Variants in CEP350 observed in about 807,000 individuals in gnomAD.
CEP350 encodes centrosome-associated protein 350.
In CEP350, 126 loss-of-function variants were observed where a neutral mutation model predicts 331.8. The observed-to-expected ratio is 0.38, with a 90% CI of 0.33 to 0.44. CEP350 has a LOEUF of 0.44. Ranked by LOEUF, CEP350 falls within the 20% of genes least tolerant of loss-of-function variation. CEP350 has a pLI of 1.00. For missense variants in CEP350, 3,406 were observed against 3,634.6 expected, an observed-to-expected ratio of 0.94 and a Z score of 1.62; for synonymous variants, 1,200 against 1,259.5, an observed-to-expected ratio of 0.95 and a Z score of 1.00.
chr1:179,973,142 C>T (rs1407206339), intron 1 of CEP350, among the ~76,000 whole-genome samples: 2 of 152,192 alleles, frequency 1.3e-5, no homozygotes, highest in African/African-American at 2.4e-5. Flanking sequence ...GCTGGGATTA[C>T]AGGCGTGAGC....
At chr1:180,060,095 A>T (rs1312626320) in intron 25 of CEP350, among the ~76,000 whole-genome samples, 1 of 152,208 alleles carries the variant, frequency 6.6e-6, no homozygotes, top group African/African-American at 2.4e-5. Context: ...AAATGTACAC[A>T]ATCATTGTAT....
At chr1:180,048,881 A>G (rs1657297965) in intron 22 of CEP350, among the ~76,000 whole-genome samples, 176 bp downstream of exon 22, 1 of 152,138 alleles carries the variant, frequency 6.6e-6, no homozygotes, top group Non-Finnish European at 1.5e-5. Context: ...CCAGCCAGGG[A>G]AACATAGGGA....
At chr1:180,023,888 T>A (rs1029882298) in intron 13 of CEP350, among the ~76,000 whole-genome samples, 1 of 152,160 alleles carries the variant, frequency 6.6e-6, no homozygotes, top group Admixed American at 6.5e-5. Context: ...ACAAATTAGT[T>A]AAATCTAAAT....
In CEP350 at chr1:180,033,384, G is replaced by A. The variant is rs189869114; in HGVS notation, c.3726-478G>A. 1.3e-3 allele frequency among the ~76,000 whole-genome samples: 202 copies of A among 152,178 alleles called. 1 individual carries two copies. The highest frequency in any genetic ancestry group is 4.6e-3 in the African/African-American group (193 of 41,544). Reference sequence around the variant, plus strand: ...TGAATAGTGTGAAATTTTTTTCTGTGATTCTTGGATCAACAAGAGGGTATA... The same window carrying A: ...TGAATAGTGTGAAATTTTTTTCTGTAATTCTTGGATCAACAAGAGGGTATA... On this transcript the variant is annotated intron_variant, in intron 15 of 37. Coordinates refer to ENST00000367607, the MANE Select transcript of CEP350 (RefSeq NM_014810.5).
chr1:180,091,486 T>C (rs561460181), intron 33 of CEP350, among the ~76,000 whole-genome samples: 6 of 152,298 alleles, frequency 3.9e-5, no homozygotes, highest in Admixed American at 6.5e-5. Context: ...ATTTCTTAGC[T>C]AAATAGCTGT....
At chr1:179,958,835 C>G (rs1490817292) in intron 1 of CEP350, among the ~76,000 whole-genome samples, 1 of 152,060 alleles carries the variant, frequency 6.6e-6, no homozygotes, top group Admixed American at 6.5e-5. Context: ...TTGCACTATA[C>G]TATAGAATAT....
rs759197571 is a variant in CEP350 at position 180,041,266 on chromosome 1, A to T, written c.4221+18A>T. On this transcript the variant is annotated intron_variant, in intron 18 of 37. Transcript: ENST00000367607. ...CAGCTCAGGTAACTTATTTTGCAGC[A>T]GGTTCTTGTTTTTTAAACCTAAATT... 2.0e-6 allele frequency: 3 copies of T among 1,531,414 alleles called. No homozygotes were observed. In the East Asian group the frequency reaches 7.1e-5, roughly 36 times the overall value. The allele number at this position is 1,531,414 out of a possible 1,614,324, so 94.9% of individuals were successfully genotyped here.
Position 180,062,249 on chromosome 1 carries a change from T to C in CEP350, c.5292T>C (p.Asn1764=). 1 of 1,610,038 alleles carries C rather than the reference T, an allele frequency of 6.2e-7. No individual in the cohort carries two copies. The highest frequency in any genetic ancestry group is 2.2e-5 in the East Asian group (1 of 44,780). The change falls in exon 26 of 38, where the codon AAT becomes AAC. Residue 1764 remains asparagine, a synonymous_variant. Coordinates refer to ENST00000367607, the MANE Select transcript of CEP350 (RefSeq NM_014810.5). ...AAATAAAACGTCTTCAAGAAGCCAA[T>C]AAGGCAGCTCGGAAGGAAAGACAGC... ...KAEIKRLQEA[N]KAARKERQLI... is the part of the protein sequence containing the mutation.
At chr1:180,078,736 G>C (rs1261689150) in intron 29 of CEP350, 62 bp downstream of exon 29, 1 of 1,371,340 alleles carries the variant, frequency 7.3e-7, no homozygotes, top group African/African-American at 1.5e-5. Context: ...AGGTATGTTA[G>C]CAGTTATATT....
chr1:180,052,049 G>T (rs1209164926), intron 22 of CEP350, among the ~76,000 whole-genome samples: 2 of 152,152 alleles, frequency 1.3e-5, no homozygotes, highest in African/African-American at 2.4e-5. Context: ...GACTGGATGG[G>T]TACAAAAGCA....
chr1:180,003,064 A>G, intron 6 of CEP350, 110 bp from the exon 7 acceptor site: 5 of 683,904 alleles, frequency 7.3e-6, no homozygotes, highest in Admixed American at 3.0e-5. Flanking sequence ...TTGTAACACT[A>G]AAAGAGTGAA....
intron 14 of CEP350, among the ~76,000 whole-genome samples, chr1:180,025,556 C>T (rs978353880): frequency 6.6e-6 from 1 of 152,146 alleles, no homozygotes; most frequent in African/African-American, 2.4e-5. Context: ...TGTAAACTCA[C>T]AGGATGGTGT....
intron 6 of CEP350, among the ~76,000 whole-genome samples, chr1:180,001,700 C>T (rs770548303): frequency 3.9e-5 from 6 of 152,192 alleles, no homozygotes; most frequent in African/African-American, 1.2e-4. Context: ...TCCGTATAAA[C>T]GGCAGCTTGC....
At chr1:180,092,407 C>G (rs1412858980) in intron 33 of CEP350, among the ~76,000 whole-genome samples, 1 of 152,122 alleles carries the variant, frequency 6.6e-6, no homozygotes, top group African/African-American at 2.4e-5. Context: ...GAAATTATTC[C>G]AAACTTTAGA....
At chr1:180,079,930 C>T (rs1659454470) in intron 29 of CEP350, among the ~76,000 whole-genome samples, 1 of 152,122 alleles carries the variant, frequency 6.6e-6, no homozygotes, top group Admixed American at 6.6e-5. Flanking sequence ...AAGTGCCTTA[C>T]GTGGATTATC....
chr1:180,096,968 ATGCTGGTCCTGCTGGTCC>A (rs201945061), intron 36 of CEP350, among the ~76,000 whole-genome samples: 6 of 152,088 alleles, frequency 3.9e-5, no homozygotes, highest in East Asian at 1.9e-4. Flanking sequence ...CTCTCAAGTC[ATGCTGGTCCTGCTGGTCC>A]TGCTGGTCCT....
At chr1:180,021,496 A>C (rs1381400630) in intron 12 of CEP350, among the ~76,000 whole-genome samples, 1 of 152,126 alleles carries the variant, frequency 6.6e-6, no homozygotes, top group Admixed American at 6.5e-5. Context: ...ATTACTAAAA[A>C]TACAAAAAAT....
intron 28 of CEP350, among the ~76,000 whole-genome samples, chr1:180,076,961 G>T (rs1459968567): frequency 6.6e-6 from 1 of 152,094 alleles, no homozygotes; most frequent in Non-Finnish European, 1.5e-5. Context: ...AGTTCTTTTG[G>T]ATTTGGAGAT....
chr1:180,012,639 G>A (rs527657627), intron 9 of CEP350, among the ~76,000 whole-genome samples: 1 of 152,242 alleles, frequency 6.6e-6, no homozygotes, highest in South Asian at 2.1e-4. Context: ...ATTTTGGGAT[G>A]TGAAATATAA....
Sources: gnomAD v4.1 joint callset for allele counts (sites outside exome capture counted in the v4.1 genomes callset) on GRCh38, gnomAD v4.1.1 for gene constraint, MANE v1.5 for transcripts, NCBI Gene and HGNC (gene_info 2026-07-23, HGNC 2026-07-21) for gene names.